The following UBLCP1 variants were observed in gnomAD, a reference collection of about 807,000 sequenced individuals.
UBLCP1 encodes ubiquitin-like domain-containing CTD phosphatase 1.
Under a neutral mutation model 42.4 loss-of-function variants are expected in UBLCP1, and 28 were observed. The observed-to-expected ratio is 0.66, with a 90% confidence interval of 0.49 to 0.90. UBLCP1 has a LOEUF of 0.90. UBLCP1 is among the 40% of genes least tolerant of loss of function. UBLCP1 has a pLI of 0.00. For missense variants in UBLCP1, 279 were observed against 374.5 expected (o/e 0.75, Z 2.10); for synonymous variants, 122 against 120.8 (o/e 1.01, Z -0.07).
intron 6 of UBLCP1, 114 bp from the exon 7 acceptor site, chr5:159,274,471 T>G: frequency 2.6e-6 from 2 of 779,476 alleles, no homozygotes; most frequent in Non-Finnish European, 4.1e-6. Flanking sequence ...TAGGGACTGT[T>G]AATTCTGATG....
intron 1 of UBLCP1, 107 bp downstream of exon 1, chr5:159,263,467 G>A (rs1333613882): frequency 6.6e-6 from 1 of 152,286 alleles, no homozygotes; most frequent in African/African-American, 2.4e-5. Context: ...GCGGCGGGCT[G>A]GGGATAGTGT....
chr5:159,284,906 A>G lies in UBLCP1; in HGVS notation c.932A>G (p.Tyr311Cys), dbSNP rs755989021. The part of the protein sequence containing the change: ...LDLNHKYWER[Y>C]LSKKQGQ ...CATCTTTATTTTATTTCTTGCAGATATCTCTCAAAGAAGCAAGGACAGTAG... is the reference window on the plus strand; with the variant it reads ...CATCTTTATTTTATTTCTTGCAGATGTCTCTCAAAGAAGCAAGGACAGTAG... Residue 311 changes from tyrosine to cysteine, a missense_variant and splice_region_variant, in exon 11 of 11, where the codon TAT (tyrosine) becomes TGT (cysteine). Physicochemically the swap from Tyr to Cys is radical, Grantham distance 194. Coordinates refer to ENST00000296786, the MANE Select transcript of UBLCP1 (RefSeq NM_145049.5). 1 of 1,613,106 alleles carries G rather than the reference A, an allele frequency of 6.2e-7. No homozygotes were observed. The highest frequency in any genetic ancestry group is 8.5e-7 in the Non-Finnish European group (1 of 1,179,454).
At chr5:159,271,951 T>C in intron 5 of UBLCP1, 72 bp from the exon 6 acceptor site, 1 of 1,029,332 alleles carries the variant, frequency 9.7e-7, no homozygotes, top group Admixed American at 1.9e-5. Context: ...ATATTACATT[T>C]AATAATAATT....
At chr5:159,280,794 T>C (rs1753598502) in intron 9 of UBLCP1, among the ~76,000 whole-genome samples, 1 of 152,224 alleles carries the variant, frequency 6.6e-6, no homozygotes, top group African/African-American at 2.4e-5. Context: ...GAAGGTACTG[T>C]GAATATGAAT....
intron 8 of UBLCP1, 116 bp downstream of exon 8, chr5:159,275,362 G>T: frequency 6.4e-6 from 4 of 629,670 alleles, no homozygotes; most frequent in South Asian, 4.7e-5. Context: ...ATAATAAAGT[G>T]GTTGAGTTTT....
chr5:159,265,588 ATTGTG>A (rs1220375651), intron 1 of UBLCP1, among the ~76,000 whole-genome samples: 9 of 152,080 alleles, frequency 5.9e-5, no homozygotes, highest in Non-Finnish European at 1.3e-4. Flanking sequence ...ATTCCCACTT[ATTGTG>A]GGAGGGACCC....
At chr5:159,263,946 T>G (rs984800848) in intron 1 of UBLCP1, among the ~76,000 whole-genome samples, 1 of 152,242 alleles carries the variant, frequency 6.6e-6, no homozygotes, top group African/African-American at 2.4e-5. Flanking sequence ...AGGATTCTCA[T>G]TTGTATAATG....
intron 5 of UBLCP1, among the ~76,000 whole-genome samples, chr5:159,270,858 A>ATATAAGAGTCT (rs562273797): frequency 6.7e-6 from 1 of 149,170 alleles, no homozygotes; most frequent in African/African-American, 2.5e-5. Context: ...CACTCTTAGT[A>ATATAAGAGTCT]ATTTGATATA....
At chr5:159,279,215 T>C (rs1753575743) in intron 9 of UBLCP1, among the ~76,000 whole-genome samples, 1 of 152,220 alleles carries the variant, frequency 6.6e-6, no homozygotes, top group Non-Finnish European at 1.5e-5. Context: ...TATATGTAAC[T>C]GGCTAATGAC....
At chr5:159,270,326 A>G in intron 3 of UBLCP1, 34 bp from the exon 4 acceptor site, 1 of 1,513,622 alleles carries the variant, frequency 6.6e-7, no homozygotes, top group Non-Finnish European at 9.1e-7. Context: ...ATTAAGGATA[A>G]TATGGTAGAA....
Position 159,268,998 on chromosome 5 carries a change from TCAAA to T in UBLCP1, c.86_89del (p.Lys29SerfsTer37), listed in dbSNP as rs1363550018. 3.1e-6 allele frequency: 5 copies of T among 1,611,494 alleles called. No individual in the cohort carries two copies. Among genetic ancestry groups the T allele is most frequent in the Non-Finnish European group, 4.2e-6 (5 of 1,179,048 alleles). On this transcript the variant is annotated frameshift_variant, in exon 2 of 11. Transcript: ENST00000296786. LOFTEE classifies it high-confidence loss of function. ...TCAGAAGATGATACTGTGCTCGATCTCAAACAGTTTCTCAAGACCCTTACAGGAG... is the reference window on the plus strand; with the variant it reads ...TCAGAAGATGATACTGTGCTCGATCTCAGTTTCTCAAGACCCTTACAGGAG...
intron 8 of UBLCP1, among the ~76,000 whole-genome samples, chr5:159,275,886 A>G (rs1753529890): frequency 6.6e-6 from 1 of 152,192 alleles, no homozygotes; most frequent in Non-Finnish European, 1.5e-5. Flanking sequence ...GAAACAAGCG[A>G]AAACACTCAC....
intron 10 of UBLCP1, among the ~76,000 whole-genome samples, chr5:159,284,372 A>G (rs764656934): frequency 2.2e-4 from 34 of 152,356 alleles, no homozygotes; most frequent in Middle Eastern, 3.4e-3. Flanking sequence ...GTAGATTTCT[A>G]TTAAACAATA....
chr5:159,270,806 CA>C lies in UBLCP1; in HGVS notation c.448+173del, dbSNP rs372629838. On this transcript the variant is annotated intron_variant, in intron 5 of 10. Transcript: ENST00000296786. ...GCTCATTGTAAAAAATACAGATAAG[CA>C]AAAAAAAAAGTCATCTGTAATCCTG... Among the ~76,000 whole-genome samples the C allele has an allele frequency of 3.3e-4, 40 of 120,674 alleles. No individual in the cohort carries two copies. The South Asian group carries it at 4.2e-3, about 13-fold the overall frequency. 79.2% of individuals were successfully genotyped at this position (120,674 alleles called of 152,430 possible).
chr5:159,275,440 T>A (rs1040485774), intron 8 of UBLCP1, 194 bp downstream of exon 8: 4 of 343,354 alleles, frequency 1.2e-5, no homozygotes, highest in African/African-American at 2.7e-5. Flanking sequence ...TGAGATGGAG[T>A]CTCATTGTGC....
At chr5:159,278,093 G>A (rs1753559130) in intron 8 of UBLCP1, 145 bp from the exon 9 acceptor site, 6 of 580,518 alleles carry the variant, frequency 1.0e-5, no homozygotes, top group South Asian at 4.4e-5. Flanking sequence ...AAAGTGGGTT[G>A]CATTTAATGA....
At chr5:159,268,800 T>G in intron 1 of UBLCP1, 70 bp from the exon 2 acceptor site, 1 of 1,198,770 alleles carries the variant, frequency 8.3e-7, no homozygotes, top group Non-Finnish European at 1.2e-6. Context: ...ACTGTACACA[T>G]AAAACTTAAA....
At chr5:159,284,828 C>T in intron 10 of UBLCP1, 76 bp from the exon 11 acceptor site, 1 of 1,519,436 alleles carries the variant, frequency 6.6e-7, no homozygotes. Context: ...GAACAAACTC[C>T]TTTGGGAGCA....
chr5:159,271,925 G>A, intron 5 of UBLCP1, 98 bp from the exon 6 acceptor site: 1 of 790,456 alleles, frequency 1.3e-6, no homozygotes, highest in Non-Finnish European at 2.0e-6. Flanking sequence ...AAATGTTTAT[G>A]TTTGCATTTC....
Sources: gnomAD v4.1 joint callset for allele counts (sites outside exome capture counted in the v4.1 genomes callset) on GRCh38, gnomAD v4.1.1 for gene constraint, MANE v1.5 for transcripts, NCBI Gene and HGNC (gene_info 2026-07-23, HGNC 2026-07-21) for gene names.